Variants in SPSB1 observed in about 807,000 individuals in gnomAD.
The protein encoded by SPSB1 is SPRY domain-containing SOCS box protein 1.
SPSB1 carries 8 observed loss-of-function variants against 21.2 expected under a neutral mutation model. The ratio of observed to expected loss-of-function variants is 0.38; its 90% CI spans 0.22 to 0.68. The LOEUF (loss-of-function observed/expected upper bound fraction) is 0.68, where lower values mean the gene tolerates loss of function less well. Ranked by LOEUF, SPSB1 falls within the 30% of genes least tolerant of loss-of-function variation. The probability of loss-of-function intolerance (pLI) is 0.53; values close to 1 mark genes in which losing one functional copy is unlikely to be tolerated. For missense variants in SPSB1, 242 were observed against 377.8 expected (o/e 0.64, Z 2.98); for synonymous variants, 169 against 161.7 (o/e 1.05, Z -0.34).
rs188432471 is a variant in SPSB1 at position 9,297,366 on chromosome 1, A to G, written c.-150+4295A>G. On this transcript the variant is annotated intron_variant, in intron 1 of 2. Coordinates refer to ENST00000328089, the MANE Select transcript of SPSB1 (RefSeq NM_025106.4). ...AATATAGGATTCCAGGGTTGGAAAA[A>G]CCTACCTGTGACAAGGGCTTGACGG... Among the ~76,000 whole-genome samples the G allele has an allele frequency of 3.9e-5, 6 of 151,984 alleles. No individual in the cohort carries two copies. In the East Asian group the frequency reaches 1.2e-3, roughly 29 times the overall value.
At chr1:9,338,542 C>T (rs1640040438) in intron 1 of SPSB1, among the ~76,000 whole-genome samples, 2 of 152,262 alleles carry the variant, frequency 1.3e-5, no homozygotes, top group Admixed American at 1.3e-4. Flanking sequence ...CGGCCTCGCC[C>T]AGGAGGAAGT....
chr1:9,363,000 T>C (rs1640505399), intron 2 of SPSB1, among the ~76,000 whole-genome samples: 1 of 152,212 alleles, frequency 6.6e-6, no homozygotes, highest in Non-Finnish European at 1.5e-5. Flanking sequence ...GCACCTGGGT[T>C]TGTGGCTGGA....
At chr1:9,299,468 A>C (rs971461496) in intron 1 of SPSB1, among the ~76,000 whole-genome samples, 15 of 150,274 alleles carry the variant, frequency 1.0e-4, no homozygotes, top group African/African-American at 3.4e-4. Flanking sequence ...GTGAGACGTC[A>C]TCTCTCTCTC....
intron 1 of SPSB1, among the ~76,000 whole-genome samples, chr1:9,302,940 T>C (rs1639358904): frequency 6.6e-6 from 1 of 152,136 alleles, no homozygotes; most frequent in Non-Finnish European, 1.5e-5. Context: ...GACTTTATGC[T>C]CTGCTGGCCT....
chr1:9,309,301 A>AGTGTGTGTGTGTGT (rs35952855), intron 1 of SPSB1, among the ~76,000 whole-genome samples: 12 of 133,228 alleles, frequency 9.0e-5, no homozygotes, highest in African/African-American at 3.6e-4. Context: ...AGAGAGAGAG[A>AGTGTGTGTGTGTGT]GTGTGTGTGT....
At chr1:9,357,131 GAGTGGA>G (rs1640380107) in intron 2 of SPSB1, among the ~76,000 whole-genome samples, 2 of 75,258 alleles carry the variant, frequency 2.7e-5, no homozygotes, top group Non-Finnish European at 6.3e-5. Flanking sequence ...ATGGATGGAT[GAGTGGA>G]TGGATGGATG....
intron 1 of SPSB1, among the ~76,000 whole-genome samples, chr1:9,342,069 C>T (rs989869520): frequency 9.2e-5 from 14 of 152,192 alleles, no homozygotes; most frequent in African/African-American, 2.9e-4. Flanking sequence ...AAAGCAAGGT[C>T]TTGAGAAGCT....
At chr1:9,331,142 G>A (rs1639910446) in intron 1 of SPSB1, among the ~76,000 whole-genome samples, 1 of 151,260 alleles carries the variant, frequency 6.6e-6, no homozygotes, top group African/African-American at 2.5e-5. Flanking sequence ...GCTCACTGAT[G>A]TGGTTCTACC....
At chr1:9,364,325 C>T (rs1403410546) in intron 2 of SPSB1, among the ~76,000 whole-genome samples, 2 of 152,274 alleles carry the variant, frequency 1.3e-5, no homozygotes, top group Non-Finnish European at 2.9e-5. Context: ...CTACTCCCGA[C>T]AGCCAGGCCA....
In SPSB1 at chr1:9,317,698, GT is replaced by G. The variant is rs768711226; in HGVS notation, c.-150+24628del. Among the ~76,000 whole-genome samples, 2 of 152,110 alleles carry G rather than the reference GT, an allele frequency of 1.3e-5. No homozygotes were observed. The highest frequency in any genetic ancestry group is 2.4e-5 in the African/African-American group (1 of 41,396). On this transcript the variant is annotated intron_variant, in intron 1 of 2. Transcript: ENST00000328089. The surrounding 1 kb of genome is among the most constrained non-coding windows in gnomAD (Gnocchi z 4.3). ...GGGGTTTCACCCTATTGCCAGGCTG[GT>G]CTCAAACTCCTGAGCTGAAGCAGTC...
At chr1:9,340,475 C>T (rs1640073192) in intron 1 of SPSB1, among the ~76,000 whole-genome samples, 1 of 152,248 alleles carries the variant, frequency 6.6e-6, no homozygotes, top group Admixed American at 6.5e-5. Flanking sequence ...GCAGGTCTTG[C>T]TGCCTCAGCA....
At position 9,361,927 on chromosome 1, in the gene SPSB1, C is replaced by G. The variant is rs547495073; in HGVS notation, c.694+5342C>G. Among the ~76,000 whole-genome samples the G allele has an allele frequency of 9.8e-5, 15 of 152,386 alleles. No homozygotes were observed. The East Asian group carries it at 2.3e-3, about 24-fold the overall frequency. On this transcript the variant is annotated intron_variant, in intron 2 of 2. Coordinates refer to ENST00000328089, the MANE Select transcript of SPSB1 (RefSeq NM_025106.4). Reference sequence around the variant, plus strand: ...CCCTGACCTTGTGGGTCCTCTGGCTCTACCCCCACTGCTTTAAAGACATCT... The same window carrying G: ...CCCTGACCTTGTGGGTCCTCTGGCTGTACCCCCACTGCTTTAAAGACATCT...
intron 1 of SPSB1, among the ~76,000 whole-genome samples, chr1:9,323,001 C>T (rs1457452648): frequency 6.6e-6 from 1 of 152,170 alleles, no homozygotes; most frequent in Non-Finnish European, 1.5e-5. Flanking sequence ...CCAGCACTGA[C>T]CCAGATGTGA....
At chr1:9,311,576 C>T (rs1639520537) in intron 1 of SPSB1, among the ~76,000 whole-genome samples, 1 of 152,114 alleles carries the variant, frequency 6.6e-6, no homozygotes, top group Admixed American at 6.5e-5. Context: ...CAGACTTGAA[C>T]CAACGCTTGA....
intron 1 of SPSB1, among the ~76,000 whole-genome samples, chr1:9,310,196 C>G (rs1168403361): frequency 6.6e-6 from 1 of 152,042 alleles, no homozygotes; most frequent in Non-Finnish European, 1.5e-5. Context: ...GATGATGCTC[C>G]TGCACCTGCC....
intron 1 of SPSB1, among the ~76,000 whole-genome samples, chr1:9,330,493 A>ATAG (rs1217377732): frequency 9.6e-4 from 145 of 151,366 alleles, no homozygotes; most frequent in African/African-American, 3.4e-3. Flanking sequence ...AATAATAATA[A>ATAG]TAAAGATTTG....
Position 9,356,422 on chromosome 1 carries a change from C to T in SPSB1, c.531C>T (p.Phe177=). 6.2e-7 allele frequency: 1 copy of T among 1,614,146 alleles called. No homozygotes were observed. Among genetic ancestry groups the T allele is most frequent in the African/African-American group, 1.3e-5 (1 of 75,066 alleles). Residue 177 remains phenylalanine, a synonymous_variant, in exon 2 of 3, where the codon TTC becomes TTT. Transcript: ENST00000328089. This position sits in a 1 kb window ranked among gnomAD's most constrained non-coding sequence, Gnocchi z 7.4. The part of the protein sequence containing the change: ...PDETFIVPDS[F]LVALDMDDGT... ...AGACATTCATTGTCCCTGACTCCTT[C>T]CTGGTAGCCCTGGACATGGACGACG...
chr1:9,364,415 C>T (rs865923264), intron 2 of SPSB1, among the ~76,000 whole-genome samples: 1 of 152,206 alleles, frequency 6.6e-6, no homozygotes. Context: ...GTCTGGATTC[C>T]GTGTCTTACA....
intron 1 of SPSB1, among the ~76,000 whole-genome samples, chr1:9,326,055 T>A (rs563028214): frequency 1.3e-5 from 2 of 151,870 alleles, no homozygotes; most frequent in Admixed American, 6.6e-5. Flanking sequence ...CCTGTCCCAC[T>A]CCACCCCTGC....
Sources: gnomAD v4.1 joint callset for allele counts (sites outside exome capture counted in the v4.1 genomes callset) on GRCh38, gnomAD v4.1.1 for gene constraint, Gnocchi (gnomAD v3.1) non-coding constraint, MANE v1.5 for transcripts, NCBI Gene and HGNC (gene_info 2026-07-23, HGNC 2026-07-21) for gene names.